Variants in PDE11A observed in about 807,000 individuals in gnomAD.
PDE11A encodes the protein phosphodiesterase 11A.
Under a neutral mutation model 100.5 loss-of-function variants are expected in PDE11A, and 100 were observed. That is an observed-to-expected ratio of 1.00 (90% CI 0.85 to 1.18). The LOEUF (loss-of-function observed/expected upper bound fraction) is 1.18, where lower values mean the gene tolerates loss of function less well. Ranked by LOEUF, PDE11A falls within the 50% of genes most tolerant of loss-of-function variation. The pLI is 0.00. For synonymous variants in PDE11A, 381 were observed against 420.8 expected (o/e 0.91, Z 1.16); for missense variants, 1,141 against 1,152.6 (o/e 0.99, Z 0.15).
chr2:177,971,914 G>A (rs1030654729), intron 2 of PDE11A, among the ~76,000 whole-genome samples: 11 of 151,972 alleles, frequency 7.2e-5, no homozygotes, highest in African/African-American at 2.7e-4. Flanking sequence ...ACCCAGTAGT[G>A]ACTTTCCATT....
intron 9 of PDE11A, among the ~76,000 whole-genome samples, chr2:177,813,832 C>T (rs6710818): frequency 0.41 from 60,633 of 149,376 alleles, 13,915 homozygotes; most frequent in African/African-American, 0.64. Flanking sequence ...TGTTGCTAAC[C>T]GGAAAAAAAA....
intron 16 of PDE11A, 33 bp downstream of exon 16, chr2:177,680,793 T>C: frequency 8.3e-7 from 1 of 1,197,620 alleles, no homozygotes; most frequent in Non-Finnish European, 1.2e-6. Context: ...GTCCAAATAA[T>C]GAAGAAACAC....
intron 5 of PDE11A, among the ~76,000 whole-genome samples, chr2:177,844,162 G>A (rs1350399512): frequency 6.6e-6 from 1 of 152,098 alleles, no homozygotes; most frequent in African/African-American, 2.4e-5. Context: ...ACCATAAGTT[G>A]GGTGACTTAT....
intron 16 of PDE11A, among the ~76,000 whole-genome samples, chr2:177,679,614 T>C (rs900925684): frequency 3.9e-5 from 6 of 152,088 alleles, no homozygotes; most frequent in African/African-American, 1.2e-4. Context: ...TTAAAAATTA[T>C]ACAAAAAGAA....
At chr2:177,641,650 T>C (rs1381323747) in intron 19 of PDE11A, among the ~76,000 whole-genome samples, 1 of 152,168 alleles carries the variant, frequency 6.6e-6, no homozygotes, top group Non-Finnish European at 1.5e-5. Context: ...GATAATGTAT[T>C]AACTACCATA....
At chr2:177,967,567 C>T (rs550970238) in intron 2 of PDE11A, among the ~76,000 whole-genome samples, 16 of 151,658 alleles carry the variant, frequency 1.1e-4, no homozygotes, top group African/African-American at 2.4e-4. Context: ...ATTGAATAAA[C>T]GTTAATTTCT....
intron 18 of PDE11A, among the ~76,000 whole-genome samples, chr2:177,666,638 C>A (rs1269581889): frequency 6.6e-6 from 1 of 152,040 alleles, no homozygotes; most frequent in Non-Finnish European, 1.5e-5. Context: ...TTTGCATTTC[C>A]CTGATGACTA....
intron 15 of PDE11A, among the ~76,000 whole-genome samples, chr2:177,692,404 T>C (rs1478691596): frequency 6.6e-6 from 1 of 152,212 alleles, no homozygotes; most frequent in Non-Finnish European, 1.5e-5. Context: ...TTTTATAAGG[T>C]ACTTTACATT....
intron 2 of PDE11A, among the ~76,000 whole-genome samples, chr2:177,961,682 T>C (rs552349179): frequency 6.6e-6 from 1 of 152,324 alleles, no homozygotes; most frequent in Non-Finnish European, 1.5e-5. Flanking sequence ...TTTACTTACA[T>C]TTAATTTTAT....
At chr2:177,977,467 T>C (rs1241353906) in intron 2 of PDE11A, among the ~76,000 whole-genome samples, 1 of 118,014 alleles carries the variant, frequency 8.5e-6, no homozygotes, top group East Asian at 2.4e-4. Context: ...GAACATTCCA[T>C]GCTCATGGGT....
chr2:177,795,110 C>T (rs1574150318), intron 9 of PDE11A, among the ~76,000 whole-genome samples: 1 of 152,292 alleles, frequency 6.6e-6, no homozygotes, highest in Middle Eastern at 3.4e-3. Flanking sequence ...AAATGGCATT[C>T]TAACCTTTAT....
chr2:177,795,379 G>A (rs1234654370), intron 9 of PDE11A, among the ~76,000 whole-genome samples: 1 of 152,178 alleles, frequency 6.6e-6, no homozygotes, highest in African/African-American at 2.4e-5. Context: ...CCCAACACCT[G>A]AGCCAATGTT....
chr2:177,750,817 A>G (rs185241189), intron 10 of PDE11A, among the ~76,000 whole-genome samples: 20 of 152,348 alleles, frequency 1.3e-4, no homozygotes, highest in African/African-American at 3.4e-4. Flanking sequence ...GCCATGTGGT[A>G]CATCTATTAA....
intron 2 of PDE11A, among the ~76,000 whole-genome samples, chr2:178,089,171 G>A (rs904585989): frequency 2.0e-5 from 3 of 152,176 alleles, no homozygotes; most frequent in African/African-American, 7.2e-5. Flanking sequence ...GATAAAGGTC[G>A]AGAAAGGGAC....
intron 10 of PDE11A, among the ~76,000 whole-genome samples, chr2:177,731,197 C>T (rs939531701): frequency 3.9e-5 from 6 of 152,126 alleles, no homozygotes; most frequent in African/African-American, 1.2e-4. Context: ...TCATCTCTGT[C>T]TTCATCAGCC....
chr2:177,658,560 T>C (rs2080426034), intron 19 of PDE11A, among the ~76,000 whole-genome samples: 1 of 151,742 alleles, frequency 6.6e-6, no homozygotes, highest in Non-Finnish European at 1.5e-5. Flanking sequence ...CCTTCTTTCT[T>C]CCTGTATTTT....
rs965597407 is a variant in PDE11A, at chr2:178,072,157, C to T, written c.281G>A (p.Gly94Asp). 6.2e-7 allele frequency: 1 copy of T among 1,613,954 alleles called. No individual in the cohort carries two copies. The change falls in exon 1 of 20, where the codon GGT becomes GAT. Residue 94 changes from glycine to aspartate, a missense_variant. Transcript: ENST00000286063. ...CCAGCTGGGACTCAAGGGAACCCCACCACAGTCCCCGCCACCGGGAAGGGG... is the reference window on the plus strand; with the variant it reads ...CCAGCTGGGACTCAAGGGAACCCCATCACAGTCCCCGCCACCGGGAAGGGG... ...SQPLPGGGDC[G>D]GVPLSPSWAG...
At chr2:177,945,864 C>T (rs2085414397) in intron 2 of PDE11A, among the ~76,000 whole-genome samples, 1 of 143,652 alleles carries the variant, frequency 7.0e-6, no homozygotes, top group Non-Finnish European at 1.5e-5. Flanking sequence ...CCGTGCCGTC[C>T]GGGAGGGAGG....
At chr2:177,998,138 G>T (rs1443057714) in intron 2 of PDE11A, 2 of 1,118,708 alleles carry the variant, frequency 1.8e-6, no homozygotes, top group Non-Finnish European at 2.7e-6. Flanking sequence ...TTTACAAGTT[G>T]CTGTCTTCCA....
Sources: allele counts gnomAD v4.1 joint callset (sites outside exome capture counted in the v4.1 genomes callset), GRCh38; gene constraint gnomAD v4.1.1; transcripts MANE v1.5; gene names NCBI Gene and HGNC (gene_info 2026-07-23, HGNC 2026-07-21).